Variants in ZNF662 observed in about 807,000 individuals in gnomAD.
ZNF662 encodes zinc finger protein 662.
In ZNF662, 14 loss-of-function variants were observed where a neutral mutation model predicts 12.4. The observed-to-expected ratio is 1.13, with a 90% confidence interval of 0.75 to 1.77. The LOEUF (loss-of-function observed/expected upper bound fraction) is 1.77, where lower values mean the gene tolerates loss of function less well. Among genes scored for constraint, ZNF662 ranks in the 40% most tolerant of loss-of-function variants. The probability of loss-of-function intolerance (pLI) is 0.00; values close to 1 mark genes in which losing one functional copy is unlikely to be tolerated. For synonymous variants in ZNF662, 184 were observed against 176.4 expected (o/e 1.04, Z -0.34); for missense variants, 550 against 515.6 (o/e 1.07, Z -0.65).
chr3:42,914,782 G>A lies in ZNF662; in HGVS notation c.709G>A (p.Ala237Thr), dbSNP rs183257175. 1.7e-4 allele frequency: 268 copies of A among 1,613,372 alleles called. 2 individuals carry two copies. The East Asian group carries it at 2.1e-3, about 13-fold the overall frequency. Reference sequence around the variant, plus strand: ...TTTCAGTTTTCGATCACATTGCATTGCACATCAGAGAATTCACAGTGGGGT... The same window carrying A: ...TTTCAGTTTTCGATCACATTGCATTACACATCAGAGAATTCACAGTGGGGT... Reference protein sequence around the residue: ...KAFSFRSHCIAHQRIHSGVKP... With the variant: ...KAFSFRSHCITHQRIHSGVKP... The change falls in exon 5 of 5, where the codon GCA becomes ACA. Residue 237 changes from alanine to threonine, a missense_variant. Transcript: ENST00000440367.
intron 4 of ZNF662, among the ~76,000 whole-genome samples, 169 bp from the exon 5 acceptor site, chr3:42,914,158 T>C (rs1227254339): frequency 1.3e-5 from 2 of 149,136 alleles, no homozygotes; most frequent in Non-Finnish European, 3.0e-5. Context: ...GTCTTTACTT[T>C]TGGTTTCTTT....
chr3:42,914,475 G>A lies in ZNF662; in HGVS notation c.402G>A (p.Arg134=). 1.9e-6 allele frequency: 3 copies of A among 1,614,036 alleles called. No individual in the cohort carries two copies. Among genetic ancestry groups the A allele is most frequent in the Middle Eastern group, 1.7e-4 (1 of 6,060 alleles). The change falls in exon 5 of 5, where the codon AGG becomes AGA. Residue 134 remains arginine (R), a synonymous_variant. Transcript: ENST00000440367. ...GGAAAACCTGTGAAGAGAAAAGCAG[G>A]TTAGGGAGATGGCCTGGTTACCTCA... ...WFGKTCEEKS[R]LGRWPGYLNG...
Position 42,913,208 on chromosome 3 carries a change from A to T in ZNF662, c.159A>T (p.Pro53=). The T allele has an allele frequency of 1.9e-6, 3 of 1,613,634 alleles. No homozygotes were observed. The highest frequency in any genetic ancestry group is 2.5e-6 in the Non-Finnish European group (3 of 1,179,756). ...EAPRGISSGY[P]FLKPAGISHP... ...GTATCTTGACCCTGGCAGGATATCC[A>T]TTTCTAAAGCCTGCTGGGATTTCCC... Residue 53 remains proline, a synonymous_variant, in exon 4 of 5, where the codon CCA becomes CCT. Transcript: ENST00000440367.
Position 42,912,147 on chromosome 3 carries a change from A to G in ZNF662, c.152-1054A>G, listed in dbSNP as rs955261402. On this transcript the variant is annotated intron_variant, in intron 3 of 4. Transcript: ENST00000440367. Reference sequence around the variant, plus strand: ...TTCCAGTATTTTCTATCCTTTATATAAATATATAAAAATATAAAAATATAT... The same window carrying G: ...TTCCAGTATTTTCTATCCTTTATATGAATATATAAAAATATAAAAATATAT... The G allele has an allele frequency of 1.9e-4, 24 of 127,238 alleles. 1 individual carries two copies. In the South Asian group the frequency reaches 2.2e-3, roughly 12 times the overall value. The allele number at this position is 127,238 out of a possible 1,614,324, so 7.9% of individuals were successfully genotyped here.
intron 3 of ZNF662, among the ~76,000 whole-genome samples, chr3:42,909,545 C>T (rs1335956782): frequency 6.6e-6 from 1 of 152,228 alleles, no homozygotes; most frequent in Admixed American, 6.5e-5. Flanking sequence ...AAACCGCCAT[C>T]GTCATCATGG....
In ZNF662 at chr3:42,914,776, T is replaced by G. The variant is rs745913376; in HGVS notation, c.703T>G (p.Cys235Gly). 1 of 1,613,570 alleles carries G rather than the reference T, an allele frequency of 6.2e-7. No homozygotes were observed. The highest frequency in any genetic ancestry group is 8.5e-7 in the Non-Finnish European group (1 of 1,179,820). Residue 235 changes from cysteine (C) to glycine (G), a missense_variant, in exon 5 of 5, where the codon TGC (cysteine) becomes GGC (glycine). Coordinates refer to ENST00000440367, the MANE Select transcript of ZNF662 (RefSeq NM_207404.4). ...CGKAFSFRSH[C>G]IAHQRIHSGV... ...GAAGGCTTTCAGTTTTCGATCACATTGCATTGCACATCAGAGAATTCACAG... is the reference window on the plus strand; with the variant it reads ...GAAGGCTTTCAGTTTTCGATCACATGGCATTGCACATCAGAGAATTCACAG...
rs950921274 is a variant in ZNF662, at chr3:42,915,876, C to T, written c.*522C>T. Reference sequence around the variant, plus strand: ...TTCAACTAAGAAGATCTCTCTTCCTCTTCTACTTGTAATCAGTACCACCCA... The same window carrying T: ...TTCAACTAAGAAGATCTCTCTTCCTTTTCTACTTGTAATCAGTACCACCCA... On this transcript the variant is annotated 3_prime_UTR_variant, in exon 5 of 5. Coordinates refer to ENST00000440367, the MANE Select transcript of ZNF662 (RefSeq NM_207404.4). 1 of 154,070 alleles carries T rather than the reference C, an allele frequency of 6.5e-6. No individual in the cohort carries two copies. The highest frequency in any genetic ancestry group is 1.4e-5 in the Non-Finnish European group (1 of 69,306). The allele number at this position is 154,070 out of a possible 1,614,324, so 9.5% of individuals were successfully genotyped here.
Position 42,906,592 on chromosome 3 carries a change from G to A in ZNF662, c.-94+424G>A, listed in dbSNP as rs542053513. Among the ~76,000 whole-genome samples the A allele has an allele frequency of 1.1e-4, 17 of 152,296 alleles. No individual in the cohort carries two copies. Among genetic ancestry groups the A allele is most frequent in the Admixed American group, 1.1e-3 (17 of 15,304 alleles). On this transcript the variant is annotated intron_variant, in intron 1 of 4. Transcript: ENST00000440367. The surrounding 1 kb of genome is among the most constrained non-coding windows in gnomAD (Gnocchi z 4.4). ...CAGCACAGCGGAGTCGACACCCCTG[G>A]ACCTGAGCCTCAAGGAGAGCAGACG...
intron 3 of ZNF662, among the ~76,000 whole-genome samples, chr3:42,912,666 A>G (rs55887640): frequency 3.8e-5 from 1 of 26,156 alleles, no homozygotes; most frequent in Non-Finnish European, 7.2e-5. Context: ...ATATATATAT[A>G]TTTTTTATAT....
At position 42,916,039 on chromosome 3, in the gene ZNF662, A is replaced by G. The variant is rs527742649; in HGVS notation, c.*685A>G. 6.6e-6 allele frequency: 1 copy of G among 152,112 alleles called. No homozygotes were observed. Among genetic ancestry groups the G allele is most frequent in the Non-Finnish European group, 1.5e-5 (1 of 68,008 alleles). The allele number at this position is 152,112 out of a possible 1,614,324, so 9.4% of individuals were successfully genotyped here. A position where few individuals can be genotyped will look rare whatever the true frequency, so the allele number is the denominator to read the frequency against. Reference sequence around the variant, plus strand: ...TCAAATCCTGAAACATTAATCTTTGACTAGATATAACATGCTCATGATAAA... The same window carrying G: ...TCAAATCCTGAAACATTAATCTTTGGCTAGATATAACATGCTCATGATAAA... On this transcript the variant is annotated 3_prime_UTR_variant, in exon 5 of 5. Coordinates refer to ENST00000440367, the MANE Select transcript of ZNF662 (RefSeq NM_207404.4).
rs1221061322 is a variant in ZNF662, at chr3:42,912,458, ATGT to A, written c.152-741_152-739del. ...AATATTTTTGTATATTATATATTAT[ATGT>A]TATAATATATATTTTTATATATTTA... On this transcript the variant is annotated intron_variant, in intron 3 of 4. Transcript: ENST00000440367. Among the ~76,000 whole-genome samples, 25 of 83,198 alleles carry A rather than the reference ATGT, an allele frequency of 3.0e-4. 1 individual carries two copies. In the South Asian group the frequency reaches 4.3e-3, roughly 14 times the overall value. The allele number at this position is 83,198 out of a possible 152,430, so 54.6% of individuals were successfully genotyped here.
Position 42,918,782 on chromosome 3 carries a change from A to G in ZNF662, c.*3428A>G, listed in dbSNP as rs1464399845. ...AAGGTGGCCATCATTTGAGGTTCCA[A>G]TTGCATGAACATTCAGAGTTCAATG... On this transcript the variant is annotated 3_prime_UTR_variant, in exon 5 of 5. Coordinates refer to ENST00000440367, the MANE Select transcript of ZNF662 (RefSeq NM_207404.4). Among the ~76,000 whole-genome samples, 3 of 152,118 alleles carry G rather than the reference A, an allele frequency of 2.0e-5. No individual in the cohort carries two copies. Among genetic ancestry groups the G allele is most frequent in the African/African-American group, 4.8e-5 (2 of 41,412 alleles).
Position 42,915,456 on chromosome 3 carries a change from A to G in ZNF662, c.*102A>G. On this transcript the variant is annotated 3_prime_UTR_variant, in exon 5 of 5. Transcript: ENST00000440367. ...CAATTTGCTGTAACCCTTAACTTAA[A>G]TAGCCAGTATTATCTTGCCCTTTTG... 4 of 1,073,582 alleles carry G rather than the reference A, an allele frequency of 3.7e-6. No homozygotes were observed. The highest frequency in any genetic ancestry group is 1.7e-5 in the South Asian group (1 of 60,228). The allele number at this position is 1,073,582 out of a possible 1,614,324, so 66.5% of individuals were successfully genotyped here. A position where few individuals can be genotyped will look rare whatever the true frequency, so the allele number is the denominator to read the frequency against.
chr3:42,912,767 T>C (rs2088845395), intron 3 of ZNF662, among the ~76,000 whole-genome samples: 1 of 133,192 alleles, frequency 7.5e-6, no homozygotes. Flanking sequence ...TGAGACACAG[T>C]CTCACTCTGT....
chr3:42,913,205 T>TC lies in ZNF662; in HGVS notation c.158dup (p.Phe54IlefsTer11), dbSNP rs766253918. 1 of 1,613,498 alleles carries TC rather than the reference T, an allele frequency of 6.2e-7. No individual in the cohort carries two copies. The highest frequency in any genetic ancestry group is 1.3e-5 in the African/African-American group (1 of 74,980). The stretch of plus-strand genomic sequence containing the variant: ...TTTGTATCTTGACCCTGGCAGGATA[T>TC]CCATTTCTAAAGCCTGCTGGGATTT... On this transcript the variant is annotated frameshift_variant, in exon 4 of 5. Coordinates refer to ENST00000440367, the MANE Select transcript of ZNF662 (RefSeq NM_207404.4). LOFTEE classifies it high-confidence loss of function.
At chr3:42,912,642 A>ATATATATATAAATATATATATATTTT (rs1453464019) in intron 3 of ZNF662, among the ~76,000 whole-genome samples, 10 of 59,496 alleles carry the variant, frequency 1.7e-4, no homozygotes, top group African/African-American at 5.8e-4. Context: ...TATATATTTT[A>ATATATATATAAATATATATATATTTT]TATATATATA....
intron 3 of ZNF662, among the ~76,000 whole-genome samples, chr3:42,912,655 T>TATATATATATATTTTATATATATATAA (rs2088828277): frequency 4.3e-5 from 2 of 46,712 alleles, no homozygotes; most frequent in African/African-American, 2.2e-4. Flanking sequence ...TATATATAAA[T>TATATATATATATTTTATATATATATAA]ATATATATAT....
At chr3:42,913,347 T>G (rs1484154441) in intron 4 of ZNF662, 45 bp downstream of exon 4, 2 of 1,473,222 alleles carry the variant, frequency 1.4e-6, no homozygotes, top group Admixed American at 1.7e-5. Flanking sequence ...TCACATCTTT[T>G]CCTATCTTTC....
chr3:42,912,574 AT>A, intron 3 of ZNF662, among the ~76,000 whole-genome samples: 1 of 10,000 alleles, frequency 1.0e-4, no homozygotes, highest in Non-Finnish European at 4.6e-4. Flanking sequence ...ATAAATACAT[AT>A]TTTATATATA....
Sources: allele counts gnomAD v4.1 joint callset (sites outside exome capture counted in the v4.1 genomes callset), GRCh38; gene constraint gnomAD v4.1.1; non-coding constraint Gnocchi (gnomAD v3.1); transcripts MANE v1.5; gene names NCBI Gene and HGNC (gene_info 2026-07-23, HGNC 2026-07-21).